CEP152: variants seen among roughly 807,000 people sequenced by gnomAD.
CEP152 encodes the protein centrosomal protein 152.
A neutral mutation model predicts 188.9 loss-of-function variants in CEP152; 132 were observed. The observed-to-expected ratio is 0.70, with a 90% confidence interval of 0.61 to 0.81. The LOEUF (loss-of-function observed/expected upper bound fraction) is 0.81. Among genes scored for constraint, CEP152 ranks in the 30% least tolerant of loss-of-function variants. CEP152 has a pLI of 0.00. For synonymous variants in CEP152, 649 were observed against 666.6 expected (o/e 0.97, Z 0.41); for missense variants, 1,914 against 1,969.8 (o/e 0.97, Z 0.54).
chr15:48,761,719 T>C (rs890188515), intron 18 of CEP152, among the ~76,000 whole-genome samples: 4 of 152,286 alleles, frequency 2.6e-5, no homozygotes, highest in South Asian at 2.1e-4. Context: ...ATTTTTAAAA[T>C]TGTAAAGGAG....
intron 12 of CEP152, among the ~76,000 whole-genome samples, chr15:48,775,624 A>C (rs1895841668): frequency 6.6e-6 from 1 of 152,172 alleles, no homozygotes; most frequent in Non-Finnish European, 1.5e-5. Flanking sequence ...AGAAATGGTA[A>C]AGAAAATTCA....
chr15:48,765,472 G>T (rs1263529336), intron 17 of CEP152, among the ~76,000 whole-genome samples: 1 of 150,890 alleles, frequency 6.6e-6, no homozygotes, highest in Admixed American at 6.7e-5. Context: ...TCTTGGACTT[G>T]TGTACAAACA....
intron 12 of CEP152, among the ~76,000 whole-genome samples, chr15:48,779,441 G>A (rs1033124701): frequency 7.9e-5 from 12 of 152,222 alleles, no homozygotes; most frequent in African/African-American, 2.9e-4. Context: ...CAAAATTCAT[G>A]TGACTTAATA....
Position 48,784,053 on chromosome 15 carries a change from A to T in CEP152, c.1241T>A (p.Leu414Ter). The T allele has an allele frequency of 6.2e-7, 1 of 1,613,862 alleles. No individual in the cohort carries two copies. The highest frequency in any genetic ancestry group is 8.5e-7 in the Non-Finnish European group (1 of 1,179,902). Residue 414 changes from leucine to a stop codon, truncating the protein, a stop_gained, in exon 10 of 27, where the codon TTA becomes TAA. Coordinates refer to ENST00000380950, the MANE Select transcript of CEP152 (RefSeq NM_001194998.2). LOFTEE classifies it high-confidence loss of function. The stretch of plus-strand genomic sequence containing the variant: ...CTTATTAATGATCTCAGTCTTTTCT[A>T]ACTTGATTGCTTCTTGATTCCTTTC... ...QLERNQEAIK[L>*]EKTEIINKLT... is the part of the protein sequence containing the mutation.
chr15:48,735,379 GC>G (rs1482122511), downstream of CEP152, among the ~76,000 whole-genome samples: 1 of 152,176 alleles, frequency 6.6e-6, no homozygotes, highest in East Asian at 1.9e-4. Flanking sequence ...GAAATTCAGA[GC>G]TTTATACATC....
At chr15:48,730,008 A>C (rs941875544) in intron 2 of CEP152, among the ~76,000 whole-genome samples, 3 of 151,944 alleles carry the variant, frequency 2.0e-5, no homozygotes, top group Non-Finnish European at 2.9e-5. Context: ...CCCCCCAAAA[A>C]AAATTACTAC....
At chr15:48,777,204 C>A (rs1055169072) in intron 12 of CEP152, among the ~76,000 whole-genome samples, 1 of 151,838 alleles carries the variant, frequency 6.6e-6, no homozygotes, top group Admixed American at 6.6e-5. Context: ...TAAATAAACC[C>A]TGGATGTTAA....
chr15:48,734,145 G>A (rs1892516232), downstream of CEP152, among the ~76,000 whole-genome samples: 1 of 151,544 alleles, frequency 6.6e-6, no homozygotes, highest in Admixed American at 6.6e-5. Context: ...AAATTCTTTA[G>A]AAGACATATT....
In CEP152 at chr15:48,762,691, T is replaced by A; in HGVS notation, c.2281-19A>T. ...CTTTGATCTGTTTTCAGAAGAAAAATCATACGAGAAGAACAATTTTCAAAT... is the reference window on the plus strand; with the variant it reads ...CTTTGATCTGTTTTCAGAAGAAAAAACATACGAGAAGAACAATTTTCAAAT... On this transcript the variant is annotated intron_variant, in intron 17 of 26. Transcript: ENST00000380950. 1 of 1,611,318 alleles carries A rather than the reference T, an allele frequency of 6.2e-7. No homozygotes were observed. The highest frequency in any genetic ancestry group is 8.5e-7 in the Non-Finnish European group (1 of 1,179,196).
intron 1 of CEP152, among the ~76,000 whole-genome samples, chr15:48,807,827 T>C (rs1217807184): frequency 2.6e-5 from 4 of 152,206 alleles, no homozygotes; most frequent in African/African-American, 9.6e-5. Context: ...TAAGAGCCTA[T>C]TGCTAAAAAT....
chr15:48,739,092 G>A lies in CEP152; in HGVS notation c.4290C>T (p.Ser1430=). The change falls in exon 27 of 27, where the codon AGC becomes AGT. Residue 1430 remains serine (S), a synonymous_variant. Coordinates refer to ENST00000380950, the MANE Select transcript of CEP152 (RefSeq NM_001194998.2). ...TCTCTTTGGATCCCACATGCTTTAT[G>A]CTCTGATGCTCTGAGTTCTCTAACA... ...QRLLENSEHQ[S]IKHVGSKETH... The A allele has an allele frequency of 6.2e-7, 1 of 1,614,168 alleles. No individual in the cohort carries two copies. The highest frequency in any genetic ancestry group is 8.5e-7 in the Non-Finnish European group (1 of 1,180,014).
At chr15:48,798,153 A>G in intron 2 of CEP152, 102 bp from the exon 3 acceptor site, 1 of 806,164 alleles carries the variant, frequency 1.2e-6, no homozygotes, top group South Asian at 1.4e-5. Context: ...AGGTCAAAGA[A>G]GTTCATAATT....
intron 26 of CEP152, chr15:48,740,982 T>A: frequency 1.0e-6 from 1 of 959,544 alleles, no homozygotes; most frequent in Non-Finnish European, 1.2e-6. Flanking sequence ...CTGGAACATA[T>A]CACCCTCATA....
chr15:48,805,725 A>T (rs537102589), intron 1 of CEP152, 69 bp from the exon 2 acceptor site: 4 of 1,598,202 alleles, frequency 2.5e-6, no homozygotes, highest in African/African-American at 2.7e-5. Context: ...ACTACATAAG[A>T]GATGCCATAC....
chr15:48,786,361 A>G (rs1247884090), intron 9 of CEP152, among the ~76,000 whole-genome samples: 1 of 117,584 alleles, frequency 8.5e-6, no homozygotes, highest in Admixed American at 1.0e-4. Context: ...CTGTCTCACT[A>G]AACAAATTCA....
At chr15:48,786,385 C>A (rs1466274718) in intron 9 of CEP152, among the ~76,000 whole-genome samples, 5 of 150,266 alleles carry the variant, frequency 3.3e-5, no homozygotes, top group Non-Finnish European at 1.5e-5. Flanking sequence ...GAAAATCAGC[C>A]AAAAAAAAAG....
intron 9 of CEP152, among the ~76,000 whole-genome samples, chr15:48,787,632 A>G (rs1896748528): frequency 6.6e-6 from 1 of 152,214 alleles, no homozygotes; most frequent in South Asian, 2.1e-4. Context: ...GCACTCTTAT[A>G]TAGTTCTACC....
intron 20 of CEP152, among the ~76,000 whole-genome samples, chr15:48,754,630 A>G (rs1894125655): frequency 6.6e-6 from 1 of 152,182 alleles, no homozygotes; most frequent in Non-Finnish European, 1.5e-5. Context: ...TTGTGAGGTC[A>G]AGGATAAAAA....
intron 21 of CEP152, among the ~76,000 whole-genome samples, chr15:48,751,912 T>G (rs995109345): frequency 6.6e-6 from 1 of 152,142 alleles, no homozygotes; most frequent in African/African-American, 2.4e-5. Context: ...AGGAAGAGAT[T>G]AAAAACACTG....
Sources: allele counts gnomAD v4.1 joint callset (sites outside exome capture counted in the v4.1 genomes callset), GRCh38; gene constraint gnomAD v4.1.1; transcripts MANE v1.5; gene names NCBI Gene and HGNC (gene_info 2026-07-23, HGNC 2026-07-21).